APBB2: variants seen among roughly 807,000 people sequenced by gnomAD.
APBB2 encodes the protein amyloid beta precursor protein binding family B member 2, also known as Fe65-like 1.
In APBB2, 38 loss-of-function variants were observed where a neutral mutation model predicts 82.5. That is an observed-to-expected ratio of 0.46 (90% confidence interval 0.36 to 0.60). The LOEUF (loss-of-function observed/expected upper bound fraction) is 0.60, where lower values mean the gene tolerates loss of function less well. Ranked by LOEUF, APBB2 falls within the 20% of genes least tolerant of loss-of-function variation. APBB2 has a pLI of 0.00. For missense variants in APBB2, 772 were observed against 972.3 expected (o/e 0.79, Z 2.74); for synonymous variants, 341 against 368.2 (o/e 0.93, Z 0.85).
rs7689208 is a variant in APBB2, at chr4:41,026,583, T to C, written c.19+6653A>G. ...TAGACATTTCATATAAACAGAATCA[T>C]ATAATGAGATCTTTTGTGACTGGCT... On this transcript the variant is annotated intron_variant, in intron 5 of 17. Transcript: ENST00000508593. Among the ~76,000 whole-genome samples the C allele has an allele frequency of 8.3e-3, 1,266 of 152,340 alleles. 20 individuals carry two copies. The highest frequency in any genetic ancestry group is 0.028 in the African/African-American group (1,148 of 41,580).
intron 6 of APBB2, among the ~76,000 whole-genome samples, chr4:40,989,801 C>G (rs1801519421): frequency 6.6e-6 from 1 of 152,158 alleles, no homozygotes; most frequent in African/African-American, 2.4e-5. Context: ...TCGCAGACAA[C>G]ATATTCATAG....
chr4:41,189,553 C>T (rs993384441), intron 1 of APBB2, among the ~76,000 whole-genome samples: 4 of 152,126 alleles, frequency 2.6e-5, no homozygotes, highest in Non-Finnish European at 5.9e-5. Context: ...AAATCCCCTC[C>T]GAAAACAGCT....
At chr4:40,971,414 C>T (rs552627103) in intron 6 of APBB2, among the ~76,000 whole-genome samples, 2 of 152,102 alleles carry the variant, frequency 1.3e-5, no homozygotes, top group Non-Finnish European at 2.9e-5. Flanking sequence ...CTTATTCATT[C>T]GAATAAAGGA....
At chr4:40,829,976 C>T (rs1251983321) in intron 13 of APBB2, among the ~76,000 whole-genome samples, 1 of 152,168 alleles carries the variant, frequency 6.6e-6, no homozygotes, top group Non-Finnish European at 1.5e-5. Flanking sequence ...TTTTCTCTAC[C>T]CACATTCACT....
intron 3 of APBB2, among the ~76,000 whole-genome samples, chr4:41,085,990 A>T (rs1739514091): frequency 6.6e-6 from 1 of 152,172 alleles, no homozygotes; most frequent in African/African-American, 2.4e-5. Flanking sequence ...TAAAATCAGA[A>T]GTGAAAAAGG....
intron 6 of APBB2, among the ~76,000 whole-genome samples, chr4:40,975,640 A>G (rs1414743731): frequency 6.6e-6 from 1 of 152,044 alleles, no homozygotes; most frequent in African/African-American, 2.4e-5. Context: ...CACATGCTTT[A>G]TCTCATATAA....
intron 10 of APBB2, among the ~76,000 whole-genome samples, chr4:40,916,826 C>A (rs1161522559): frequency 6.6e-6 from 1 of 152,182 alleles, no homozygotes. Context: ...AGGTGAGATC[C>A]TGTTGTGAAG....
intron 4 of APBB2, among the ~76,000 whole-genome samples, chr4:41,047,198 T>C (rs1161202517): frequency 6.6e-6 from 1 of 152,234 alleles, no homozygotes; most frequent in Non-Finnish European, 1.5e-5. Flanking sequence ...AAAATTTCTG[T>C]TCTACTCCAA....
intron 4 of APBB2, among the ~76,000 whole-genome samples, chr4:41,043,511 A>C (rs1177294835): frequency 1.3e-5 from 2 of 152,234 alleles, no homozygotes; most frequent in Non-Finnish European, 2.9e-5. Context: ...TCTTTCATAA[A>C]AATATTTTAA....
chr4:41,052,407 G>A (rs1203073558), intron 4 of APBB2, among the ~76,000 whole-genome samples: 1 of 152,118 alleles, frequency 6.6e-6, no homozygotes, highest in Non-Finnish European at 1.5e-5. Context: ...ACTCTATACT[G>A]AAGTTACTGA....
intron 2 of APBB2, among the ~76,000 whole-genome samples, chr4:41,114,394 C>T (rs1411064510): frequency 6.6e-6 from 1 of 152,156 alleles, no homozygotes; most frequent in Non-Finnish European, 1.5e-5. Flanking sequence ...TGGAAGCATT[C>T]CCTTTGAAAA....
At chr4:40,984,947 G>A (rs1400737556) in intron 6 of APBB2, among the ~76,000 whole-genome samples, 1 of 151,546 alleles carries the variant, frequency 6.6e-6, no homozygotes, top group Admixed American at 6.6e-5. Context: ...TTTGAGACAG[G>A]GTCTCACTCT....
intron 6 of APBB2, among the ~76,000 whole-genome samples, chr4:40,991,895 T>C (rs891790422): frequency 1.3e-4 from 20 of 152,154 alleles, no homozygotes; most frequent in African/African-American, 4.3e-4. Flanking sequence ...GAGAGTGGTC[T>C]GCAATTAGAA....
chr4:41,208,459 A>G (rs1778508300), intron 1 of APBB2, among the ~76,000 whole-genome samples: 1 of 152,060 alleles, frequency 6.6e-6, no homozygotes. Context: ...ACGGGGTTTC[A>G]CCATGTTGGC....
chr4:40,826,099 A>T lies in APBB2; in HGVS notation c.1733-129T>A. 1.4e-6 allele frequency: 1 copy of T among 715,688 alleles called. No individual in the cohort carries two copies. The allele number at this position is 715,688 out of a possible 1,614,324, so 44.3% of individuals were successfully genotyped here. A position where few individuals can be genotyped will look rare whatever the true frequency, so the allele number is the denominator to read the frequency against. On this transcript the variant is annotated intron_variant, in intron 14 of 17. Transcript: ENST00000508593. The surrounding 1 kb of genome is among the most constrained non-coding windows in gnomAD (Gnocchi z 4.5). ...CATAACGCCCTATGTTTCTGGATGT[A>T]AATGTAACAACTATTCTACAAGAGC...
chr4:41,035,000 T>C (rs1373738208), intron 4 of APBB2, among the ~76,000 whole-genome samples: 3 of 152,070 alleles, frequency 2.0e-5, no homozygotes, highest in East Asian at 1.9e-4. Flanking sequence ...ATCAGGATGA[T>C]GGGGGTGGGG....
chr4:40,928,827 G>C (rs2154372250), intron 10 of APBB2, among the ~76,000 whole-genome samples: 1 of 151,608 alleles, frequency 6.6e-6, no homozygotes, highest in Admixed American at 6.6e-5. Flanking sequence ...GGCGGTTGCA[G>C]TGAGCCGAGA....
chr4:40,927,627 G>A (rs1006584222), intron 10 of APBB2, among the ~76,000 whole-genome samples: 2 of 152,028 alleles, frequency 1.3e-5, no homozygotes, highest in Non-Finnish European at 2.9e-5. Context: ...GACTACAGAC[G>A]CATGCCACCA....
At chr4:41,200,344 A>C (rs1456495367) in intron 1 of APBB2, among the ~76,000 whole-genome samples, 1 of 152,206 alleles carries the variant, frequency 6.6e-6, no homozygotes, top group African/African-American at 2.4e-5. Flanking sequence ...CCAAAGGATA[A>C]TTCAATAATT....
Sources: allele counts gnomAD v4.1 joint callset (sites outside exome capture counted in the v4.1 genomes callset), GRCh38; gene constraint gnomAD v4.1.1; non-coding constraint Gnocchi (gnomAD v3.1); transcripts MANE v1.5; gene names NCBI Gene and HGNC (gene_info 2026-07-23, HGNC 2026-07-21).